CALY: variants seen among roughly 807,000 people sequenced by gnomAD.
The protein encoded by CALY is neuron-specific vesicular protein calcyon.
CALY carries 15 observed loss-of-function variants against 20.2 expected under a neutral mutation model. That is an observed-to-expected ratio of 0.74 (90% CI 0.50 to 1.14). The LOEUF is 1.14. Ranked by LOEUF, CALY falls within the 50% of genes most tolerant of loss-of-function variation. The pLI is 0.00. For synonymous variants in CALY, 129 were observed against 131.8 expected, an observed-to-expected ratio of 0.98 and a Z score of 0.15; for missense variants, 270 against 304.4, an observed-to-expected ratio of 0.89 and a Z score of 0.84.
At position 133,327,504 on chromosome 10, in the gene CALY, T is replaced by C. The variant is rs541790029; in HGVS notation, c.246+401A>G. On this transcript the variant is annotated intron_variant, in intron 3 of 5. Coordinates refer to ENST00000252939, the MANE Select transcript of CALY (RefSeq NM_015722.4). ...CCACTAAAAATGACTAAAGCTATCATTAGTAACATTGACAGATTTAAACAA... is the reference window on the plus strand; with the variant it reads ...CCACTAAAAATGACTAAAGCTATCACTAGTAACATTGACAGATTTAAACAA... 5.6e-5 allele frequency: 32 copies of C among 568,048 alleles called. No individual in the cohort carries two copies. In the East Asian group the frequency reaches 8.6e-4, roughly 15 times the overall value. The allele number at this position is 568,048 out of a possible 1,614,324, so 35.2% of individuals were successfully genotyped here.
intron 3 of CALY, chr10:133,327,382 A>G (rs1316887105): frequency 6.2e-6 from 3 of 480,216 alleles, no homozygotes; most frequent in Non-Finnish European, 7.4e-6. Context: ...CAGTGGGTGC[A>G]TGTGTGGTAA....
intron 3 of CALY, 42 bp from the exon 4 acceptor site, chr10:133,327,033 G>A: frequency 7.0e-7 from 1 of 1,431,228 alleles, no homozygotes; most frequent in Non-Finnish European, 9.7e-7. Context: ...GCCAGGCAGG[G>A]GCGGTCTTTG....
chr10:133,330,675 G>T (rs1256225798), intron 1 of CALY, among the ~76,000 whole-genome samples: 1 of 57,796 alleles, frequency 1.7e-5, no homozygotes, highest in Non-Finnish European at 4.1e-5. Context: ...AAAAAAAAAG[G>T]AATCTGTCAT....
chr10:133,329,098 G>T, intron 1 of CALY, 89 bp from the exon 2 acceptor site: 1 of 1,144,668 alleles, frequency 8.7e-7, no homozygotes, highest in Non-Finnish European at 1.2e-6. Flanking sequence ...CCCTGAGCTG[G>T]GCCTAATGCT....
chr10:133,324,903 CCCCTCATCA>C lies in CALY; in HGVS notation c.*683_*691del. ...CCCAGCCCCCAGGAACCAGAGCTCA[CCCCTCATCA>C]GGCCCCACTCCCCACTCAGACGCCC... On this transcript the variant is annotated 3_prime_UTR_variant, in exon 6 of 6. Transcript: ENST00000252939. The C allele has an allele frequency of 4.0e-6, 1 of 251,012 alleles. No homozygotes were observed. Among genetic ancestry groups the C allele is most frequent in the South Asian group, 3.9e-5 (1 of 25,960 alleles). 15.5% of individuals were successfully genotyped at this position (251,012 alleles called of 1,614,324 possible).
intron 1 of CALY, among the ~76,000 whole-genome samples, chr10:133,333,862 A>C (rs1344721813): frequency 1.0e-4 from 1 of 9,740 alleles, no homozygotes; most frequent in African/African-American, 5.0e-4. Context: ...GGGGGGAAGG[A>C]TCTGAGGGGG....
In CALY at chr10:133,326,195, T is replaced by C. The variant is rs368700428; in HGVS notation, c.361-75A>G. 11 of 1,557,984 alleles carry C rather than the reference T, an allele frequency of 7.1e-6. No homozygotes were observed. In the African/African-American group the frequency reaches 1.4e-4, roughly 19 times the overall value. On this transcript the variant is annotated intron_variant, in intron 4 of 5. Coordinates refer to ENST00000252939, the MANE Select transcript of CALY (RefSeq NM_015722.4). ...CCCCGGGCCCAGGCCCTCCCGCTTC[T>C]GCGGTTGGGGACACTGCGGACAGTT... is the stretch of plus-strand genomic sequence containing the variant.
chr10:133,324,366 A>T lies in CALY; in HGVS notation c.*1229T>A, dbSNP rs1189482253. On this transcript the variant is annotated 3_prime_UTR_variant, in exon 6 of 6. Coordinates refer to ENST00000252939, the MANE Select transcript of CALY (RefSeq NM_015722.4). ...CTGGGCACTGCCGCTGTTCCAAAGC[A>T]GGCCAGTCCCACTGAGCTGGGAAGC... 1 of 455,134 alleles carries T rather than the reference A, an allele frequency of 2.2e-6. No homozygotes were observed. The highest frequency in any genetic ancestry group is 4.4e-6 in the Non-Finnish European group (1 of 226,708). 28.2% of individuals were successfully genotyped at this position (455,134 alleles called of 1,614,324 possible). A position where few individuals can be genotyped will look rare whatever the true frequency, so the allele number is the denominator to read the frequency against.
At chr10:133,327,700 T>G (rs772479770) in intron 3 of CALY, 1 of 676,830 alleles carries the variant, frequency 1.5e-6, no homozygotes, top group Non-Finnish European at 2.7e-6. Flanking sequence ...TTGGTCAGTC[T>G]GCACCTGCAG....
In CALY at chr10:133,335,046, G is replaced by A. The variant is rs1471947645; in HGVS notation, c.-21+1788C>T. ...GTGTGCAGGCGGAGACGGACGAGGC[G>A]CCACGGGGCTCAGATACAGGAGCGA... On this transcript the variant is annotated intron_variant, in intron 1 of 5. Coordinates refer to ENST00000252939, the MANE Select transcript of CALY (RefSeq NM_015722.4). Among the ~76,000 whole-genome samples the A allele has an allele frequency of 2.0e-5, 3 of 152,186 alleles. No homozygotes were observed. The East Asian group carries it at 5.8e-4, about 29-fold the overall frequency.
intron 1 of CALY, among the ~76,000 whole-genome samples, chr10:133,333,627 A>AG (rs1273856878): frequency 3.4e-5 from 5 of 145,130 alleles, no homozygotes; most frequent in East Asian, 2.1e-4. Flanking sequence ...GAGGGCTCTG[A>AG]GGGGGAAAGA....
intron 4 of CALY, 37 bp from the exon 5 acceptor site, chr10:133,326,157 G>A (rs773283060): frequency 1.9e-6 from 3 of 1,584,540 alleles, no homozygotes; most frequent in Admixed American, 3.5e-5. Flanking sequence ...GTGGGGCTGA[G>A]CCCTCCTGTG....
intron 3 of CALY, among the ~76,000 whole-genome samples, 174 bp from the exon 4 acceptor site, chr10:133,327,165 C>T (rs1448724766): frequency 2.0e-5 from 3 of 152,198 alleles, no homozygotes; most frequent in Admixed American, 1.3e-4. Flanking sequence ...AGTGTGCAGG[C>T]GTCACCCCTC....
In CALY at chr10:133,326,041, G is replaced by C. The variant is rs746925254; in HGVS notation, c.440C>G (p.Ala147Gly). 1 of 1,593,926 alleles carries C rather than the reference G, an allele frequency of 6.3e-7. No homozygotes were observed. The highest frequency in any genetic ancestry group is 1.1e-5 in the South Asian group (1 of 88,456). Residue 147 changes from alanine to glycine, a missense_variant, in exon 5 of 6, where the codon GCC becomes GGC. Coordinates refer to ENST00000252939, the MANE Select transcript of CALY (RefSeq NM_015722.4). ...DPERHRSILAAIGAYPLSRKH... is the reference protein window; with the variant it reads ...DPERHRSILAGIGAYPLSRKH... The stretch of plus-strand genomic sequence containing the variant: ...GCGGCTCAGCGGGTAGGCCCCGATG[G>C]CCGCCAGGATGCTGCGGTGGCGCTC...
At chr10:133,333,055 G>T (rs920589490) in intron 1 of CALY, among the ~76,000 whole-genome samples, 1 of 151,928 alleles carries the variant, frequency 6.6e-6, no homozygotes, top group African/African-American at 2.4e-5. Context: ...GCCAGAGCCA[G>T]CAGTGACCAG....
intron 2 of CALY, 148 bp downstream of exon 2, chr10:133,328,707 T>C: frequency 1.1e-6 from 1 of 904,052 alleles, no homozygotes. Context: ...AGAGTGCCCA[T>C]GGCCAGCTGG....
chr10:133,325,606 G>C lies in CALY; in HGVS notation c.*29-40C>G, dbSNP rs1848188467. ...CCCGAGGGTTGAGAGCGGCGACGCG[G>C]CCAGGGGCTCCCCGCGGACCCCGCG... On this transcript the variant is annotated intron_variant, in intron 5 of 5. Transcript: ENST00000252939. 6 of 301,674 alleles carry C rather than the reference G, an allele frequency of 2.0e-5. No individual in the cohort carries two copies. In the South Asian group the frequency reaches 9.7e-4, roughly 49 times the overall value. The allele number at this position is 301,674 out of a possible 1,614,324, so 18.7% of individuals were successfully genotyped here.
At chr10:133,326,431 C>A in intron 4 of CALY, 1 of 593,592 alleles carries the variant, frequency 1.7e-6, no homozygotes, top group East Asian at 2.9e-5. Context: ...AGAAAAGGAG[C>A]AGATTTTACT....
chr10:133,328,775 T>G, intron 2 of CALY, 80 bp downstream of exon 2: 1 of 1,397,936 alleles, frequency 7.2e-7, no homozygotes, highest in Non-Finnish European at 9.5e-7. Flanking sequence ...GAAGAGGCCA[T>G]ATCTAGACAA....
Sources: allele counts gnomAD v4.1 joint callset (sites outside exome capture counted in the v4.1 genomes callset), GRCh38; gene constraint gnomAD v4.1.1; transcripts MANE v1.5; gene names NCBI Gene and HGNC (gene_info 2026-07-23, HGNC 2026-07-21).